Variants in TRIQK observed in about 807,000 individuals in gnomAD.
TRIQK encodes triple QxxK/R motif containing.
In TRIQK, 10 loss-of-function variants were observed where a neutral mutation model predicts 10.8. The ratio of observed to expected loss-of-function variants is 0.92; its 90% CI spans 0.57 to 1.57. The LOEUF is 1.57. TRIQK is among the 40% of genes most tolerant of loss of function. TRIQK has a pLI of 0.00. For missense variants in TRIQK, 107 were observed against 97.7 expected, an observed-to-expected ratio of 1.09 and a Z score of -0.40; for synonymous variants, 33 against 33.7, an observed-to-expected ratio of 0.98 and a Z score of 0.07.
At chr8:92,943,958 A>G (rs955368899) in intron 2 of TRIQK, among the ~76,000 whole-genome samples, 2 of 152,174 alleles carry the variant, frequency 1.3e-5, no homozygotes, top group Non-Finnish European at 2.9e-5. Flanking sequence ...GTTAATATCC[A>G]GATTATATTA....
At chr8:92,930,373 A>C (rs1810653768) in intron 2 of TRIQK, among the ~76,000 whole-genome samples, 1 of 144,522 alleles carries the variant, frequency 6.9e-6, no homozygotes, top group African/African-American at 2.6e-5. Context: ...CTAGGCAACA[A>C]AGCGAGACTA....
chr8:92,888,176 T>C (rs1298313292), intron 4 of TRIQK, among the ~76,000 whole-genome samples: 1 of 151,658 alleles, frequency 6.6e-6, no homozygotes, highest in Non-Finnish European at 1.5e-5. Context: ...TTCTGTATAG[T>C]GGACAACAAA....
chr8:92,964,440 A>G (rs2130724088), intron 1 of TRIQK, among the ~76,000 whole-genome samples: 1 of 145,392 alleles, frequency 6.9e-6, no homozygotes, highest in South Asian at 2.2e-4. Flanking sequence ...ATGTTTCCCA[A>G]TCTTTTCAGG....
intron 3 of TRIQK, among the ~76,000 whole-genome samples, chr8:92,899,309 A>G (rs112761973): frequency 6.6e-6 from 1 of 151,862 alleles, no homozygotes; most frequent in African/African-American, 2.4e-5. Flanking sequence ...TAAATGTACA[A>G]TAAGTTTTAT....
intron 3 of TRIQK, among the ~76,000 whole-genome samples, chr8:92,898,973 G>T (rs1004833074): frequency 2.0e-5 from 3 of 147,150 alleles, no homozygotes; most frequent in Non-Finnish European, 4.5e-5. Context: ...TCCTTTCTTT[G>T]TGTTGCAAAC....
At chr8:93,009,106 G>A (rs774482649) in intron 1 of TRIQK, among the ~76,000 whole-genome samples, 12 of 152,114 alleles carry the variant, frequency 7.9e-5, no homozygotes, top group African/African-American at 2.4e-4. Context: ...GTTACTATCC[G>A]GAAAATATGA....
At chr8:92,949,729 A>G (rs529036340) in intron 2 of TRIQK, among the ~76,000 whole-genome samples, 23 of 111,906 alleles carry the variant, frequency 2.1e-4, no homozygotes, top group Non-Finnish European at 3.7e-4. Flanking sequence ...GGGAGGGAGG[A>G]AGGAAGGAAG....
At chr8:92,904,530 C>T (rs1055285785) in intron 3 of TRIQK, among the ~76,000 whole-genome samples, 1 of 152,050 alleles carries the variant, frequency 6.6e-6, no homozygotes, top group Non-Finnish European at 1.5e-5. Flanking sequence ...CTTACTGTAG[C>T]AGAATAATGA....
chr8:92,921,211 G>A (rs1431782837), intron 2 of TRIQK, among the ~76,000 whole-genome samples: 1 of 151,676 alleles, frequency 6.6e-6, no homozygotes, highest in Non-Finnish European at 1.5e-5. Flanking sequence ...AGAGAGGACT[G>A]TGTGTTAGCT....
chr8:92,965,980 A>G (rs911281602), intron 1 of TRIQK, 27 bp downstream of exon 1: 2 of 152,766 alleles, frequency 1.3e-5, no homozygotes, highest in African/African-American at 2.4e-5. Flanking sequence ...GGTCTCCCCA[A>G]TCCCCTCGCA....
chr8:92,926,109 T>C (rs1810436549), intron 2 of TRIQK, among the ~76,000 whole-genome samples: 1 of 151,546 alleles, frequency 6.6e-6, no homozygotes, highest in Admixed American at 6.6e-5. Flanking sequence ...GCCCCAATAT[T>C]GATCAACAGA....
In TRIQK at chr8:93,011,160, G is replaced by T. The variant is rs1001408445; in HGVS notation, c.-181+6449C>A. Among the ~76,000 whole-genome samples the T allele has an allele frequency of 2.0e-5, 3 of 147,966 alleles. No homozygotes were observed. The East Asian group carries it at 6.0e-4, about 29-fold the overall frequency. ...TGATCTTAATAAACTGTATGAATGT[G>T]TGTGTGTATACACATACATACACAC... is the stretch of plus-strand genomic sequence containing the variant. On this transcript the variant is annotated intron_variant, in intron 1 of 4. Coordinates refer to the TRIQK transcript ENST00000520686.
intron 2 of TRIQK, among the ~76,000 whole-genome samples, chr8:92,944,964 C>A (rs1470480572): frequency 6.6e-6 from 1 of 151,680 alleles, no homozygotes; most frequent in Non-Finnish European, 1.5e-5. Flanking sequence ...CTTACTGTAC[C>A]CTATAAATAT....
chr8:93,011,482 G>A (rs1275247300), intron 1 of TRIQK, among the ~76,000 whole-genome samples: 3 of 151,992 alleles, frequency 2.0e-5, no homozygotes, highest in African/African-American at 7.2e-5. Context: ...ATTTAAAACA[G>A]CAACTCAAAA....
At chr8:92,972,799 G>C (rs969061675) in intron 1 of TRIQK, 1 of 152,262 alleles carries the variant, frequency 6.6e-6, no homozygotes, top group Non-Finnish European at 1.5e-5. Flanking sequence ...CCAGCTTCAC[G>C]GTATGAGAAC....
chr8:92,962,795 C>A (rs1265774766), intron 1 of TRIQK, among the ~76,000 whole-genome samples: 1 of 152,148 alleles, frequency 6.6e-6, no homozygotes, highest in Middle Eastern at 3.2e-3. Context: ...CTGCCCTACA[C>A]CATGAAAAGC....
intron 3 of TRIQK, among the ~76,000 whole-genome samples, chr8:92,903,299 A>G (rs1044626208): frequency 6.6e-6 from 1 of 152,116 alleles, no homozygotes; most frequent in Non-Finnish European, 1.5e-5. Context: ...AGCAGCTTTG[A>G]CATTTGTCAT....
chr8:92,978,012 T>C (rs1359907652), intron 1 of TRIQK, among the ~76,000 whole-genome samples: 1 of 152,162 alleles, frequency 6.6e-6, no homozygotes, highest in Non-Finnish European at 1.5e-5. Flanking sequence ...TTCTCTCTGC[T>C]TTTTCCAGGT....
At chr8:92,979,856 A>G (rs1812968726) in intron 1 of TRIQK, among the ~76,000 whole-genome samples, 1 of 152,088 alleles carries the variant, frequency 6.6e-6, no homozygotes, top group Admixed American at 6.6e-5. Context: ...AGATTGTCAT[A>G]AAATTTGAAG....
Sources: gnomAD v4.1 joint callset for allele counts (sites outside exome capture counted in the v4.1 genomes callset) on GRCh38, gnomAD v4.1.1 for gene constraint, MANE v1.5 for transcripts, NCBI Gene and HGNC (gene_info 2026-07-23, HGNC 2026-07-21) for gene names.